Variants in COX7A2L observed in about 807,000 individuals in gnomAD.
The protein encoded by COX7A2L is cytochrome c oxidase subunit 7A2 like.
A neutral mutation model predicts 14.2 loss-of-function variants in COX7A2L; 18 were observed. The ratio of observed to expected loss-of-function variants is 1.27; its 90% confidence interval spans 0.88 to 1.88. The LOEUF (loss-of-function observed/expected upper bound fraction) is 1.88. COX7A2L is among the 40% of genes most tolerant of loss of function. The pLI is 0.00. For synonymous variants in COX7A2L, 65 were observed against 57.4 expected, an observed-to-expected ratio of 1.13 and a Z score of -0.60; for missense variants, 179 against 138.8, an observed-to-expected ratio of 1.29 and a Z score of -1.46.
rs1213484117 is a variant in COX7A2L, at chr2:42,339,201, C to T, written c.193-5332G>A. The stretch of plus-strand genomic sequence containing the variant: ...AGTAGTTAATTACTTTTTTTATTAA[C>T]CATTATCAAGTTTAAACACAAGGAT... On this transcript the variant is annotated intron_variant, in intron 2 of 2. Coordinates refer to the COX7A2L transcript ENST00000468711. This position sits in a 1 kb window ranked among gnomAD's most constrained non-coding sequence, Gnocchi z 5.4. Among the ~76,000 whole-genome samples the T allele has an allele frequency of 6.6e-6, 1 of 152,116 alleles. No homozygotes were observed. The highest frequency in any genetic ancestry group is 6.5e-5 in the Admixed American group (1 of 15,280).
chr2:42,341,698 AC>A (rs1670406705), intron 2 of COX7A2L, among the ~76,000 whole-genome samples: 1 of 152,238 alleles, frequency 6.6e-6, no homozygotes, highest in African/African-American at 2.4e-5. Flanking sequence ...CCAAGTATAA[AC>A]AAAGGCTGCT....
At chr2:42,346,715 G>A (rs1430603477), downstream of COX7A2L, among the ~76,000 whole-genome samples, 5 of 151,294 alleles carry the variant, frequency 3.3e-5, no homozygotes, top group East Asian at 7.8e-4. Context: ...AGCCAGTATC[G>A]AGCCACTGCA....
chr2:42,336,830 A>C (rs201447737), intron 2 of COX7A2L, among the ~76,000 whole-genome samples: 2 of 147,388 alleles, frequency 1.4e-5, no homozygotes, highest in African/African-American at 5.1e-5. Context: ...AATCCTGGGG[A>C]GTTTATGTGG....
At chr2:42,340,830 G>A (rs1670389313) in intron 2 of COX7A2L, among the ~76,000 whole-genome samples, 1 of 152,232 alleles carries the variant, frequency 6.6e-6, no homozygotes, top group Non-Finnish European at 1.5e-5. Flanking sequence ...GAGGCCAGGA[G>A]CAGTGTCGCC....
At chr2:42,355,043 T>A (rs1346057886) in intron 1 of COX7A2L, among the ~76,000 whole-genome samples, 1 of 152,194 alleles carries the variant, frequency 6.6e-6, no homozygotes, top group Non-Finnish European at 1.5e-5. Context: ...ACTCAGGCCT[T>A]TCTCAAGTCC....
upstream of COX7A2L, chr2:42,361,675 G>A (rs1384126597): frequency 1.3e-5 from 2 of 153,076 alleles, no homozygotes; most frequent in Admixed American, 6.5e-5. Context: ...CTGTGCTGCG[G>A]AGCCACCGTC....
chr2:42,359,183 C>G (rs1469078164), intron 1 of COX7A2L: 4 of 152,126 alleles, frequency 2.6e-5, no homozygotes, highest in Non-Finnish European at 5.9e-5. Context: ...AAAAGCAGGA[C>G]GATTACTTGA....
chr2:42,348,450 C>T (rs976585411), downstream of COX7A2L, among the ~76,000 whole-genome samples: 2 of 152,110 alleles, frequency 1.3e-5, no homozygotes, highest in African/African-American at 4.8e-5. Flanking sequence ...AACGAGGACA[C>T]CATATCACCT....
chr2:42,344,157 C>T (rs1018040711), intron 2 of COX7A2L, among the ~76,000 whole-genome samples: 1 of 152,086 alleles, frequency 6.6e-6, no homozygotes, highest in Non-Finnish European at 1.5e-5. Context: ...TAAATAGTTG[C>T]AAAAAGTATA....
At chr2:42,354,957 C>T (rs1670770448) in intron 1 of COX7A2L, among the ~76,000 whole-genome samples, 1 of 152,218 alleles carries the variant, frequency 6.6e-6, no homozygotes, top group Non-Finnish European at 1.5e-5. Flanking sequence ...TTACTATTCC[C>T]ATTTTTCAGA....
chr2:42,346,976 A>G (rs1670509379), downstream of COX7A2L, among the ~76,000 whole-genome samples: 1 of 152,040 alleles, frequency 6.6e-6, no homozygotes, highest in South Asian at 2.1e-4. Flanking sequence ...CAGTGGCGCA[A>G]TCTCAGCTCA....
At chr2:42,346,581 C>T (rs375699984), downstream of COX7A2L, among the ~76,000 whole-genome samples, 94 of 152,150 alleles carry the variant, frequency 6.2e-4, no homozygotes, top group East Asian at 0.014. Context: ...AGTTCAAGAC[C>T]AGCCTGGGCA....
In COX7A2L at chr2:42,338,833, GT is replaced by G. The variant is rs912992077; in HGVS notation, c.193-4965del. Among the ~76,000 whole-genome samples the G allele has an allele frequency of 5.3e-5, 8 of 152,200 alleles. No individual in the cohort carries two copies. The highest frequency in any genetic ancestry group is 1.9e-4 in the African/African-American group (8 of 41,444). ...TTTAGGTGTTATCTGTGCGGCAGAG[GT>G]ACCATCTCCCATGTCTAGAAAGGAA... On this transcript the variant is annotated intron_variant, in intron 2 of 2. Coordinates refer to the COX7A2L transcript ENST00000468711. The surrounding 1 kb of genome is among the most constrained non-coding windows in gnomAD (Gnocchi z 4.4).
At chr2:42,358,536 C>T (rs1670904364) in intron 1 of COX7A2L, among the ~76,000 whole-genome samples, 1 of 152,170 alleles carries the variant, frequency 6.6e-6, no homozygotes, top group African/African-American at 2.4e-5. Flanking sequence ...AGTCAGAGCA[C>T]CTAGTTGGGA....
chr2:42,349,243 T>C (rs1670563568), downstream of COX7A2L: 1 of 152,234 alleles, frequency 6.6e-6, no homozygotes, highest in Admixed American at 6.5e-5. Context: ...CAAAATGTGG[T>C]ATACCCATTC....
At chr2:42,364,341 G>A (rs548571240), upstream of COX7A2L, among the ~76,000 whole-genome samples, 15 of 151,936 alleles carry the variant, frequency 9.9e-5, no homozygotes, top group African/African-American at 3.4e-4. Context: ...GTGGGCTCCC[G>A]TTTCTGAAGG....
intron 1 of COX7A2L, among the ~76,000 whole-genome samples, chr2:42,366,950 G>A (rs1410869996): frequency 6.6e-6 from 1 of 152,172 alleles, no homozygotes; most frequent in African/African-American, 2.4e-5. Flanking sequence ...CAAAGATAAG[G>A]AATCTGTATA....
intron 1 of COX7A2L, among the ~76,000 whole-genome samples, chr2:42,357,191 G>C (rs1670848704): frequency 6.6e-6 from 1 of 152,156 alleles, no homozygotes. Context: ...GAAGAGGGTG[G>C]AGAGAAAAGA....
At chr2:42,358,309 G>C (rs1161137167) in intron 1 of COX7A2L, among the ~76,000 whole-genome samples, 2 of 152,214 alleles carry the variant, frequency 1.3e-5, no homozygotes, top group African/African-American at 4.8e-5. Flanking sequence ...AGGTAAGGAA[G>C]ATGCCTTTCA....
Sources: allele counts gnomAD v4.1 joint callset (sites outside exome capture counted in the v4.1 genomes callset), GRCh38; gene constraint gnomAD v4.1.1; non-coding constraint Gnocchi (gnomAD v3.1); transcripts MANE v1.5; gene names NCBI Gene and HGNC (gene_info 2026-07-23, HGNC 2026-07-21).